Variants in PPP6R3 observed in about 807,000 individuals in gnomAD.
PPP6R3 encodes serine/threonine-protein phosphatase 6 regulatory subunit 3.
A neutral mutation model predicts 110.7 loss-of-function variants in PPP6R3; 38 were observed. That is an observed-to-expected ratio of 0.34 (90% CI 0.26 to 0.45). The LOEUF (loss-of-function observed/expected upper bound fraction) is 0.45. Ranked by LOEUF, PPP6R3 falls within the 20% of genes least tolerant of loss-of-function variation. PPP6R3 has a pLI of 1.00. For missense variants in PPP6R3, 870 were observed against 1,062.4 expected, an observed-to-expected ratio of 0.82 and a Z score of 2.52; for synonymous variants, 369 against 373.5, an observed-to-expected ratio of 0.99 and a Z score of 0.14.
intron 23 of PPP6R3, among the ~76,000 whole-genome samples, chr11:68,611,948 C>G (rs1195101382): frequency 8.5e-5 from 13 of 152,216 alleles, no homozygotes. Flanking sequence ...CACATGATCT[C>G]ACTTTTCACA....
Position 68,467,556 on chromosome 11 carries a change from G to T in PPP6R3, c.-158+6729G>T, listed in dbSNP as rs568503554. On this transcript the variant is annotated intron_variant, in intron 1 of 23. Coordinates refer to ENST00000393800, the MANE Select transcript of PPP6R3 (RefSeq NM_001164161.2). ...AATTCTGGTGGCAGAGACACACTTT[G>T]AGAAAAAAGAGCTTGCCTGAGAACA... Among the ~76,000 whole-genome samples the T allele has an allele frequency of 5.3e-5, 8 of 152,272 alleles. No homozygotes were observed. The South Asian group carries it at 1.7e-3, about 32-fold the overall frequency.
intron 3 of PPP6R3, among the ~76,000 whole-genome samples, chr11:68,538,502 A>T (rs942381350): frequency 6.6e-6 from 1 of 152,190 alleles, no homozygotes; most frequent in Admixed American, 6.5e-5. Flanking sequence ...ATCCAACTCT[A>T]TTGAAATATT....
chr11:68,586,237 A>G (rs1187112521), intron 15 of PPP6R3: 3 of 152,182 alleles, frequency 2.0e-5, no homozygotes, highest in African/African-American at 7.2e-5. Context: ...GAATCACTTC[A>G]TGGTTCTTTA....
intron 16 of PPP6R3, among the ~76,000 whole-genome samples, chr11:68,590,194 C>G (rs1202136844): frequency 6.6e-6 from 1 of 152,188 alleles, no homozygotes; most frequent in Admixed American, 6.5e-5. Flanking sequence ...CCTTGCTTTT[C>G]TAGATGATAT....
chr11:68,597,524 A>C (rs1240870903), intron 19 of PPP6R3, among the ~76,000 whole-genome samples: 3 of 152,198 alleles, frequency 2.0e-5, no homozygotes, highest in Non-Finnish European at 2.9e-5. Flanking sequence ...TAGAGACAGG[A>C]GAACCATGAA....
chr11:68,526,371 C>G (rs1383531551), intron 2 of PPP6R3, among the ~76,000 whole-genome samples: 3 of 152,056 alleles, frequency 2.0e-5, no homozygotes, highest in Non-Finnish European at 4.4e-5. Flanking sequence ...TCCTGAGTAG[C>G]TAGGACTACA....
chr11:68,545,634 A>G (rs1454571260), intron 4 of PPP6R3, among the ~76,000 whole-genome samples: 3 of 152,178 alleles, frequency 2.0e-5, no homozygotes, highest in Non-Finnish European at 2.9e-5. Flanking sequence ...GCCCCTCAGT[A>G]TTACCTGAGA....
intron 5 of PPP6R3, among the ~76,000 whole-genome samples, chr11:68,550,030 C>G (rs2099364718): frequency 1.3e-5 from 2 of 152,094 alleles, no homozygotes. Flanking sequence ...GATGTTTACT[C>G]TCCTCTGTTT....
intron 1 of PPP6R3, among the ~76,000 whole-genome samples, chr11:68,470,321 A>C (rs1227204888): frequency 6.6e-6 from 1 of 152,040 alleles, no homozygotes; most frequent in East Asian, 1.9e-4. Context: ...TGTGGGTGGC[A>C]GTGGGGTAGG....
intron 2 of PPP6R3, among the ~76,000 whole-genome samples, chr11:68,520,069 G>A (rs574227480): frequency 1.3e-5 from 2 of 152,192 alleles, no homozygotes; most frequent in African/African-American, 2.4e-5. Flanking sequence ...GTCTTTCTGA[G>A]TCCTAATCTC....
At chr11:68,596,241 T>C (rs2099613574) in intron 19 of PPP6R3, 23 bp downstream of exon 19, 1 of 1,613,942 alleles carries the variant, frequency 6.2e-7, no homozygotes, top group Admixed American at 1.7e-5. Flanking sequence ...ATTCTTCAGA[T>C]CAGCTGCCCT....
In PPP6R3 at chr11:68,613,735, T is replaced by C. The variant is rs1944571466; in HGVS notation, c.*618T>C. 6.2e-6 allele frequency: 6 copies of C among 969,622 alleles called. No homozygotes were observed. Among genetic ancestry groups the C allele is most frequent in the Non-Finnish European group, 7.3e-6 (6 of 823,494 alleles). The allele number at this position is 969,622 out of a possible 1,614,324, so 60.1% of individuals were successfully genotyped here. A position where few individuals can be genotyped will look rare whatever the true frequency, so the allele number is the denominator to read the frequency against. On this transcript the variant is annotated 3_prime_UTR_variant, in exon 24 of 24. Coordinates refer to ENST00000393800, the MANE Select transcript of PPP6R3 (RefSeq NM_001164161.2). ...GTTTAAAACGGATCAAAAATGTAAGTCTATTGGTAGAGATTAAGTAAAGTA... is the reference window on the plus strand; with the variant it reads ...GTTTAAAACGGATCAAAAATGTAAGCCTATTGGTAGAGATTAAGTAAAGTA...
chr11:68,527,569 C>G (rs1047941048), intron 2 of PPP6R3, among the ~76,000 whole-genome samples: 2 of 152,244 alleles, frequency 1.3e-5, no homozygotes, highest in Non-Finnish European at 2.9e-5. Context: ...AGTGTACTAA[C>G]CACAGCATCA....
intron 1 of PPP6R3, among the ~76,000 whole-genome samples, chr11:68,471,666 T>A (rs1373450762): frequency 6.6e-6 from 1 of 152,088 alleles, no homozygotes; most frequent in Non-Finnish European, 1.5e-5. Flanking sequence ...TGAAGGGATA[T>A]TTGGGATCCT....
At chr11:68,553,232 T>C (rs1047226171) in intron 6 of PPP6R3, among the ~76,000 whole-genome samples, 3 of 152,178 alleles carry the variant, frequency 2.0e-5, no homozygotes, top group Non-Finnish European at 4.4e-5. Flanking sequence ...GTCAATACAC[T>C]GAGAGAAGGC....
Position 68,600,508 on chromosome 11 carries a change from T to C in PPP6R3, c.2192+14T>C. On this transcript the variant is annotated intron_variant, in intron 20 of 23. Coordinates refer to ENST00000393800, the MANE Select transcript of PPP6R3 (RefSeq NM_001164161.2). Reference sequence around the variant, plus strand: ...GTCTTCCCTGAGGTGAGCGAACATGTGCTGTCTCTACACCCTTCCACGGGG... The same window carrying C: ...GTCTTCCCTGAGGTGAGCGAACATGCGCTGTCTCTACACCCTTCCACGGGG... The C allele has an allele frequency of 6.2e-7, 1 of 1,611,556 alleles. No homozygotes were observed. Among genetic ancestry groups the C allele is most frequent in the Non-Finnish European group, 8.5e-7 (1 of 1,179,170 alleles).
At chr11:68,575,850 A>T in intron 13 of PPP6R3, 108 bp from the exon 14 acceptor site, 1 of 714,136 alleles carries the variant, frequency 1.4e-6, no homozygotes, top group East Asian at 2.7e-5. Flanking sequence ...CCTGCTCACC[A>T]TTGATGAACC....
At chr11:68,590,369 C>T (rs1480282800) in intron 16 of PPP6R3, among the ~76,000 whole-genome samples, 1 of 152,118 alleles carries the variant, frequency 6.6e-6, no homozygotes, top group Non-Finnish European at 1.5e-5. Flanking sequence ...GCCCATGGAA[C>T]TATGGTTGTT....
chr11:68,541,849 G>A (rs772593581), intron 3 of PPP6R3, among the ~76,000 whole-genome samples: 3 of 152,040 alleles, frequency 2.0e-5, no homozygotes, highest in South Asian at 4.1e-4. Context: ...GTGGGTTAGC[G>A]GTACTGCTCA....
Sources: gnomAD v4.1 joint callset for allele counts (sites outside exome capture counted in the v4.1 genomes callset) on GRCh38, gnomAD v4.1.1 for gene constraint, MANE v1.5 for transcripts, NCBI Gene and HGNC (gene_info 2026-07-23, HGNC 2026-07-21) for gene names.